The following RAB37 variants were observed in gnomAD, a reference collection of about 807,000 sequenced individuals.
RAB37 encodes RAB37, member RAS oncogene family, also known as ras-related protein Rab-37.
In RAB37, 29 loss-of-function variants were observed where a neutral mutation model predicts 33.1. That is an observed-to-expected ratio of 0.88 (90% CI 0.65 to 1.20). RAB37 has a LOEUF of 1.20. Among genes scored for constraint, RAB37 ranks in the 50% most tolerant of loss-of-function variants. RAB37 has a pLI of 0.00. For synonymous variants in RAB37, 128 were observed against 119.5 expected (o/e 1.07, Z -0.47); for missense variants, 299 against 301.1 (o/e 0.99, Z 0.05).
chr17:74,729,352 G>C lies in RAB37; in HGVS notation c.169G>C (p.Gly57Arg), dbSNP rs778280330. 6 of 1,613,762 alleles carry C rather than the reference G, an allele frequency of 3.7e-6. No homozygotes were observed. Among genetic ancestry groups the C allele is most frequent in the Middle Eastern group, 3.3e-4 (2 of 6,060 alleles). ...CCCCGGCTCCTTCTCGGCCACTGTG[G>C]GCATCGGATTCACGGTAAGCACTGG... Residue 57 changes from glycine to arginine, a missense_variant, in exon 2 of 8, where the codon GGC becomes CGC. Transcript: ENST00000340415. This position sits in a 1 kb window ranked among gnomAD's most constrained non-coding sequence, Gnocchi z 4.2.
At chr17:74,735,002 A>AGGAAGG (rs1227376183), upstream of RAB37, among the ~76,000 whole-genome samples, 127 of 86,486 alleles carry the variant, frequency 1.5e-3, 4 homozygotes, top group Middle Eastern at 8.3e-3. Flanking sequence ...GAAGAAAGAA[A>AGGAAGG]AAGAAAGGAA....
chr17:74,715,802 C>T (rs185763768), intron 1 of RAB37, among the ~76,000 whole-genome samples: 1 of 151,986 alleles, frequency 6.6e-6, no homozygotes, highest in Non-Finnish European at 1.5e-5. Flanking sequence ...CTGAGGCAGG[C>T]GGATCACCTG....
At chr17:74,723,352 C>T (rs1321714144) in intron 1 of RAB37, among the ~76,000 whole-genome samples, 2 of 151,888 alleles carry the variant, frequency 1.3e-5, no homozygotes, top group African/African-American at 4.8e-5. Context: ...CCCAGCCCAC[C>T]CCACCCCTAC....
At chr17:74,695,908 A>G in intron 1 of RAB37, 1 of 1,585,550 alleles carries the variant, frequency 6.3e-7, no homozygotes, top group South Asian at 1.1e-5. Flanking sequence ...GTCTGTGGAC[A>G]CAGGTTCCTT....
chr17:74,688,552 CA>C (rs34832046), intron 1 of RAB37, among the ~76,000 whole-genome samples: 79 of 113,160 alleles, frequency 7.0e-4, no homozygotes, highest in African/African-American at 1.2e-3. Context: ...GACTGCACCT[CA>C]AAAAAAAAAA....
chr17:74,706,282 A>AATAT (rs35583593), intron 1 of RAB37, among the ~76,000 whole-genome samples: 72 of 145,160 alleles, frequency 5.0e-4, no homozygotes, highest in African/African-American at 1.8e-3. Context: ...GGAAAAAAAA[A>AATAT]ATATATATAT....
At chr17:74,720,551 A>G (rs992453903) in intron 1 of RAB37, among the ~76,000 whole-genome samples, 4 of 152,176 alleles carry the variant, frequency 2.6e-5, no homozygotes, top group Admixed American at 6.5e-5. Flanking sequence ...AGATCCCACC[A>G]TTACACTCCA....
At chr17:74,722,217 A>G (rs1384570376) in intron 1 of RAB37, among the ~76,000 whole-genome samples, 1 of 151,188 alleles carries the variant, frequency 6.6e-6, no homozygotes, top group Non-Finnish European at 1.5e-5. Flanking sequence ...CGGGAGGCAG[A>G]GCTTGCAGTG....
intron 1 of RAB37, among the ~76,000 whole-genome samples, chr17:74,716,525 T>A (rs867914575): frequency 6.6e-6 from 1 of 152,224 alleles, no homozygotes; most frequent in African/African-American, 2.4e-5. Context: ...CATTATTACA[T>A]TGAATCCTCA....
At chr17:74,728,829 CTGTA>C (rs1027427458) in intron 1 of RAB37, among the ~76,000 whole-genome samples, 35 of 150,850 alleles carry the variant, frequency 2.3e-4, no homozygotes, top group African/African-American at 7.1e-4. Context: ...TTTTCTGTGT[CTGTA>C]TGTGTCTTGT....
rs995180800 is a variant in RAB37, at chr17:74,713,929, G to T, written c.73-15327G>T. On this transcript the variant is annotated intron_variant, in intron 1 of 7. Transcript: ENST00000340415. The stretch of plus-strand genomic sequence containing the variant: ...AAAAAAAAAAAAAAAAAAAAAAAAA[G>T]TCAGGCATGGTGGCTCATGCCTGTA... Among the ~76,000 whole-genome samples, 59 of 97,318 alleles carry T rather than the reference G, an allele frequency of 6.1e-4. 1 individual carries two copies. In the East Asian group the frequency reaches 7.9e-3, roughly 13 times the overall value. 63.8% of individuals were successfully genotyped at this position (97,318 alleles called of 152,430 possible).
At chr17:74,727,276 G>A (rs553676326) in intron 1 of RAB37, among the ~76,000 whole-genome samples, 325 of 152,354 alleles carry the variant, frequency 2.1e-3, no homozygotes, top group Middle Eastern at 6.8e-3. Flanking sequence ...CCGGTCTTCC[G>A]AAGAGGAGAT....
intron 1 of RAB37, among the ~76,000 whole-genome samples, chr17:74,686,111 G>A (rs1034453471): frequency 6.6e-6 from 1 of 151,002 alleles, no homozygotes. Context: ...TTTTTTTCTT[G>A]AGATAGAGTC....
At chr17:74,700,578 T>C (rs1162158978) in intron 1 of RAB37, among the ~76,000 whole-genome samples, 1 of 152,008 alleles carries the variant, frequency 6.6e-6, no homozygotes, top group African/African-American at 2.4e-5. Flanking sequence ...CCATCTCTAC[T>C]AAAAATACAA....
upstream of RAB37, among the ~76,000 whole-genome samples, chr17:74,735,826 G>A (rs1478879176): frequency 2.0e-5 from 3 of 152,304 alleles, no homozygotes; most frequent in African/African-American, 4.8e-5. Context: ...ATACAGGGCT[G>A]GAGGCTGGCG....
rs568616548 is a variant in RAB37, at chr17:74,730,444, G to A, written c.183+1078G>A. 2.0e-5 allele frequency among the ~76,000 whole-genome samples: 3 copies of A among 152,296 alleles called. No homozygotes were observed. Among genetic ancestry groups the A allele is most frequent in the African/African-American group, 7.2e-5 (3 of 41,568 alleles). On this transcript the variant is annotated intron_variant, in intron 2 of 7. Coordinates refer to the RAB37 transcript ENST00000340415. This position sits in a 1 kb window ranked among gnomAD's most constrained non-coding sequence, Gnocchi z 4.4. ...ACATGGCTTCTGCATGACCTTCCAG[G>A]AGGCAAAGCGGAAGTGAGTGCCTGG...
intron 1 of RAB37, among the ~76,000 whole-genome samples, chr17:74,693,724 T>G (rs2032212863): frequency 6.6e-6 from 1 of 151,622 alleles, no homozygotes; most frequent in Non-Finnish European, 1.5e-5. Flanking sequence ...AGGCCAGGAG[T>G]TCGAGACCAG....
chr17:74,708,904 A>C (rs1400106054), intron 1 of RAB37, among the ~76,000 whole-genome samples: 1 of 148,458 alleles, frequency 6.7e-6, no homozygotes, highest in Non-Finnish European at 1.5e-5. Context: ...CGACAGAGCA[A>C]GACTCCGTCT....
intron 1 of RAB37, among the ~76,000 whole-genome samples, chr17:74,709,535 T>C (rs1318917470): frequency 6.6e-6 from 1 of 152,188 alleles, no homozygotes; most frequent in Non-Finnish European, 1.5e-5. Context: ...AAAAAGACTT[T>C]TAGGACACCA....
Sources: gnomAD v4.1 joint callset for allele counts (sites outside exome capture counted in the v4.1 genomes callset) on GRCh38, gnomAD v4.1.1 for gene constraint, Gnocchi (gnomAD v3.1) non-coding constraint, MANE v1.5 for transcripts, NCBI Gene and HGNC (gene_info 2026-07-23, HGNC 2026-07-21) for gene names.